Variants in DNAH9 observed in about 807,000 individuals in gnomAD.
DNAH9 encodes dynein axonemal heavy chain 9.
Under a neutral mutation model 471.6 loss-of-function variants are expected in DNAH9, and 345 were observed. That is an observed-to-expected ratio of 0.73 (90% CI 0.67 to 0.80). DNAH9 has a LOEUF of 0.80. Among genes scored for constraint, DNAH9 ranks in the 30% least tolerant of loss-of-function variants. The probability of loss-of-function intolerance (pLI) is 0.00; values close to 1 mark genes in which losing one functional copy is unlikely to be tolerated. For synonymous variants in DNAH9, 2,093 were observed against 2,123.6 expected, an observed-to-expected ratio of 0.99 and a Z score of 0.40; for missense variants, 5,407 against 5,609.2, an observed-to-expected ratio of 0.96 and a Z score of 1.15.
At chr17:11,954,793 G>A (rs1195229825) in intron 67 of DNAH9, among the ~76,000 whole-genome samples, 2 of 137,674 alleles carry the variant, frequency 1.5e-5, no homozygotes, top group African/African-American at 2.6e-5. Context: ...AAAAAAGAGA[G>A]AGAAAGAAAT....
At chr17:11,823,160 T>C in intron 48 of DNAH9, 126 bp downstream of exon 48, 1 of 778,910 alleles carries the variant, frequency 1.3e-6, no homozygotes, top group East Asian at 2.7e-5. Flanking sequence ...GAGACTCCCA[T>C]GTCATCAGTA....
chr17:11,863,094 G>T (rs1304793033), intron 50 of DNAH9, among the ~76,000 whole-genome samples: 2 of 152,140 alleles, frequency 1.3e-5, no homozygotes, highest in African/African-American at 4.8e-5. Context: ...TTCCTGTCTT[G>T]TGCCAGTTTT....
In DNAH9 at chr17:11,763,629, T is replaced by G; in HGVS notation, c.7170+15T>G. 6.2e-7 allele frequency: 1 copy of G among 1,612,330 alleles called. No individual in the cohort carries two copies. The highest frequency in any genetic ancestry group is 8.5e-7 in the Non-Finnish European group (1 of 1,178,992). The stretch of plus-strand genomic sequence containing the variant: ...TCCAAGATCAGGTAAGGAGATATGT[T>G]GAGCTCAACAACCACACTGAAGTCT... On this transcript the variant is annotated intron_variant, in intron 36 of 68. Coordinates refer to ENST00000262442, the MANE Select transcript of DNAH9 (RefSeq NM_001372.4).
intron 67 of DNAH9, among the ~76,000 whole-genome samples, chr17:11,947,037 A>C (rs4792202): frequency 0.47 from 70,914 of 152,100 alleles, 16,838 homozygotes; most frequent in Middle Eastern, 0.57. Flanking sequence ...AAGCACAGCA[A>C]TGAAAGCCTT....
In DNAH9 at chr17:11,937,777, A is replaced by G. The variant is rs1009720525; in HGVS notation, c.12660+255A>G. 9.9e-5 allele frequency among the ~76,000 whole-genome samples: 15 copies of G among 152,248 alleles called. No homozygotes were observed. The highest frequency in any genetic ancestry group is 5.2e-4 in the Admixed American group (8 of 15,292). ...GCAGTTTTCTTTGCCAGTCCACCCAAAGTCCATTTTTATTCAGCTTCTCTG... is the reference window on the plus strand; with the variant it reads ...GCAGTTTTCTTTGCCAGTCCACCCAGAGTCCATTTTTATTCAGCTTCTCTG... On this transcript the variant is annotated intron_variant, in intron 66 of 68. Transcript: ENST00000262442. This position sits in a 1 kb window ranked among gnomAD's most constrained non-coding sequence, Gnocchi z 4.1.
intron 28 of DNAH9, among the ~76,000 whole-genome samples, chr17:11,738,371 A>G (rs1473077024): frequency 2.0e-5 from 3 of 152,152 alleles, no homozygotes; most frequent in Non-Finnish European, 1.5e-5. Context: ...GGCTGTGGGC[A>G]GCCAGATTCA....
In DNAH9 at chr17:11,839,139, G is replaced by A. The variant is rs190316582; in HGVS notation, c.9507+4241G>A. ...CCACCCCCTCAAAGTTACTTGGAAT[G>A]GTCTATTTATTTCCCATGCATCTTT... On this transcript the variant is annotated intron_variant, in intron 49 of 68. Coordinates refer to ENST00000262442, the MANE Select transcript of DNAH9 (RefSeq NM_001372.4). Among the ~76,000 whole-genome samples the A allele has an allele frequency of 1.7e-3, 260 of 152,140 alleles. 1 individual carries two copies. Among genetic ancestry groups the A allele is most frequent in the African/African-American group, 6.0e-3 (250 of 41,514 alleles).
intron 10 of DNAH9, among the ~76,000 whole-genome samples, chr17:11,642,765 G>A (rs2073301800): frequency 6.6e-6 from 1 of 152,160 alleles, no homozygotes; most frequent in African/African-American, 2.4e-5. Flanking sequence ...CCCGGGGTTG[G>A]GGCCTGTGGG....
intron 67 of DNAH9, among the ~76,000 whole-genome samples, chr17:11,949,385 A>T (rs1975271542): frequency 6.6e-6 from 1 of 152,098 alleles, no homozygotes; most frequent in South Asian, 2.1e-4. Flanking sequence ...GCAAGTGTGA[A>T]TATTAATCGC....
In DNAH9 at chr17:11,878,025, C is replaced by A. The variant is rs565952602; in HGVS notation, c.10479-2053C>A. Among the ~76,000 whole-genome samples, 9 of 152,276 alleles carry A rather than the reference C, an allele frequency of 5.9e-5. No individual in the cohort carries two copies. In the South Asian group the frequency reaches 1.9e-3, roughly 32 times the overall value. ...CTGGGATTACAGACATGAACCACCGCGCCCGGCCAATATGATATATTTTTA... is the reference window on the plus strand; with the variant it reads ...CTGGGATTACAGACATGAACCACCGAGCCCGGCCAATATGATATATTTTTA... On this transcript the variant is annotated intron_variant, in intron 53 of 68. Coordinates refer to ENST00000262442, the MANE Select transcript of DNAH9 (RefSeq NM_001372.4).
intron 23 of DNAH9, 83 bp from the exon 24 acceptor site, chr17:11,701,039 C>A: frequency 6.7e-7 from 1 of 1,484,422 alleles, no homozygotes; most frequent in South Asian, 1.2e-5. Context: ...TTCCTTCACT[C>A]CCTCAGACTG....
intron 61 of DNAH9, among the ~76,000 whole-genome samples, chr17:11,912,363 G>A (rs1345265525): frequency 6.6e-6 from 1 of 152,146 alleles, no homozygotes; most frequent in Non-Finnish European, 1.5e-5. Context: ...GAAATAGCAA[G>A]TTCAGACTTC....
chr17:11,716,332 C>T (rs1465970230), intron 26 of DNAH9, among the ~76,000 whole-genome samples: 4 of 152,076 alleles, frequency 2.6e-5, no homozygotes, highest in African/African-American at 7.2e-5. Flanking sequence ...CTCCCTGCCT[C>T]GGCCTCCCAA....
At chr17:11,635,171 A>G (rs2073137390) in intron 8 of DNAH9, among the ~76,000 whole-genome samples, 2 of 150,922 alleles carry the variant, frequency 1.3e-5, no homozygotes, top group African/African-American at 2.4e-5. Context: ...TATTATTTTT[A>G]TTTATTTATT....
intron 61 of DNAH9, among the ~76,000 whole-genome samples, chr17:11,906,043 C>T (rs780291682): frequency 1.2e-4 from 18 of 152,150 alleles, no homozygotes; most frequent in Non-Finnish European, 2.1e-4. Context: ...GAGGAGGCCT[C>T]GTCCCCTCCA....
chr17:11,850,077 A>G (rs755561294), intron 49 of DNAH9, among the ~76,000 whole-genome samples: 3 of 152,200 alleles, frequency 2.0e-5, no homozygotes, highest in South Asian at 2.1e-4. Context: ...AGTGACTTAT[A>G]TAATGTAGTA....
chr17:11,716,082 CTTTT>C (rs61643065), intron 26 of DNAH9, among the ~76,000 whole-genome samples: 5 of 132,472 alleles, frequency 3.8e-5, no homozygotes, highest in Non-Finnish European at 1.6e-5. Context: ...TTTTCTTTCT[CTTTT>C]TTTTTTTTTT....
intron 43 of DNAH9, 108 bp downstream of exon 43, chr17:11,797,901 C>A (rs139386963): frequency 2.7e-6 from 3 of 1,129,854 alleles, no homozygotes; most frequent in Non-Finnish European, 3.7e-6. Context: ...TAAGGAGCTC[C>A]GGCTTCTGCC....
chr17:11,742,043 A>C (rs1490685967), intron 29 of DNAH9, 132 bp from the exon 30 acceptor site: 2 of 721,566 alleles, frequency 2.8e-6, no homozygotes, highest in Non-Finnish European at 4.8e-6. Flanking sequence ...ATAATGGCTC[A>C]GGTCTTTCCA....
Sources: gnomAD v4.1 joint callset for allele counts (sites outside exome capture counted in the v4.1 genomes callset) on GRCh38, gnomAD v4.1.1 for gene constraint, Gnocchi (gnomAD v3.1) non-coding constraint, MANE v1.5 for transcripts, NCBI Gene and HGNC (gene_info 2026-07-23, HGNC 2026-07-21) for gene names.